The following TTC28 variants were observed in gnomAD, a reference collection of about 807,000 sequenced individuals.
TTC28 encodes tetratricopeptide repeat protein 28.
TTC28 carries 61 observed loss-of-function variants against 198.0 expected under a neutral mutation model. The observed-to-expected ratio is 0.31, with a 90% CI of 0.25 to 0.38. The LOEUF (loss-of-function observed/expected upper bound fraction) is 0.38, where lower values mean the gene tolerates loss of function less well. Ranked by LOEUF, TTC28 falls within the 10% of genes least tolerant of loss-of-function variation. TTC28 has a pLI of 1.00. For missense variants in TTC28, 2,678 were observed against 3,164.0 expected, an observed-to-expected ratio of 0.85 and a Z score of 3.69; for synonymous variants, 1,171 against 1,297.8, an observed-to-expected ratio of 0.90 and a Z score of 2.10.
intron 5 of TTC28, among the ~76,000 whole-genome samples, chr22:28,282,748 T>G (rs2044608718): frequency 6.6e-6 from 1 of 152,116 alleles, no homozygotes; most frequent in South Asian, 2.1e-4. Context: ...TTGCTTCTAC[T>G]CTACATATGA....
chr22:28,474,376 G>T (rs574471788), intron 2 of TTC28, among the ~76,000 whole-genome samples: 4 of 152,172 alleles, frequency 2.6e-5, no homozygotes, highest in Non-Finnish European at 5.9e-5. Flanking sequence ...TCTGGAACCT[G>T]AGATGAAGAC....
At chr22:28,239,464 T>C (rs1347499680) in intron 5 of TTC28, among the ~76,000 whole-genome samples, 1 of 152,164 alleles carries the variant, frequency 6.6e-6, no homozygotes, top group Admixed American at 6.5e-5. Flanking sequence ...GGTAGATAAC[T>C]AACCTAAAAT....
intron 5 of TTC28, among the ~76,000 whole-genome samples, chr22:28,215,698 A>G (rs1927337303): frequency 6.6e-6 from 1 of 152,124 alleles, no homozygotes; most frequent in Admixed American, 6.6e-5. Flanking sequence ...TCAGAAGACT[A>G]GGATCCTAGT....
intron 2 of TTC28, among the ~76,000 whole-genome samples, chr22:28,408,180 G>C (rs562062528): frequency 6.6e-6 from 1 of 151,888 alleles, no homozygotes; most frequent in Non-Finnish European, 1.5e-5. Context: ...AATAAATAAC[G>C]TTTCTAAAAC....
In TTC28 at chr22:27,993,134, G is replaced by A. The variant is rs1937476198; in HGVS notation, c.5476+153C>T. The A allele has an allele frequency of 5.9e-6, 4 of 679,338 alleles. No homozygotes were observed. In the East Asian group the frequency reaches 1.1e-4, roughly 19 times the overall value. 42.1% of individuals were successfully genotyped at this position (679,338 alleles called of 1,614,324 possible). On this transcript the variant is annotated intron_variant, in intron 18 of 22. Coordinates refer to ENST00000397906, the MANE Select transcript of TTC28 (RefSeq NM_001145418.2). ...ACTTGTTTCCTCCAGGTGTGGAGATGCTTGTATCTGGGACCCCCTGCCATT... is the reference window on the plus strand; with the variant it reads ...ACTTGTTTCCTCCAGGTGTGGAGATACTTGTATCTGGGACCCCCTGCCATT...
At chr22:28,094,846 A>G (rs886746986) in intron 11 of TTC28, among the ~76,000 whole-genome samples, 1 of 152,210 alleles carries the variant, frequency 6.6e-6, no homozygotes, top group Non-Finnish European at 1.5e-5. Flanking sequence ...TTCTGGCGAT[A>G]AATAGGATAT....
intron 5 of TTC28, among the ~76,000 whole-genome samples, chr22:28,220,378 G>C (rs1240635719): frequency 6.6e-6 from 1 of 152,170 alleles, no homozygotes; most frequent in Non-Finnish European, 1.5e-5. Context: ...GCTTCACTGG[G>C]TCCTCTGCAA....
At chr22:28,554,959 A>G (rs562509412) in intron 2 of TTC28, among the ~76,000 whole-genome samples, 2 of 152,308 alleles carry the variant, frequency 1.3e-5, no homozygotes, top group African/African-American at 2.4e-5. Flanking sequence ...TATATATCCA[A>G]CAAAGGACTA....
chr22:28,277,706 AAC>A lies in TTC28; in HGVS notation c.933+18490_933+18491del, dbSNP rs1349379598. Among the ~76,000 whole-genome samples, 3 of 152,218 alleles carry A rather than the reference AAC, an allele frequency of 2.0e-5. No homozygotes were observed. The East Asian group carries it at 5.8e-4, about 29-fold the overall frequency. On this transcript the variant is annotated intron_variant, in intron 5 of 22. Coordinates refer to ENST00000397906, the MANE Select transcript of TTC28 (RefSeq NM_001145418.2). Reference sequence around the variant, plus strand: ...TGTTATTTTAGAAAACCATAAGTATAACACTTATTATTAGCTGTGTAATGTTA... The same window carrying A: ...TGTTATTTTAGAAAACCATAAGTATAACTTATTATTAGCTGTGTAATGTTA...
At chr22:28,332,233 TTTAAC>T (rs1432935978) in intron 2 of TTC28, among the ~76,000 whole-genome samples, 1 of 152,068 alleles carries the variant, frequency 6.6e-6, no homozygotes, top group African/African-American at 2.4e-5. Context: ...AATAAGCTCT[TTTAAC>T]TTAGCTCCGA....
chr22:28,054,645 T>C (rs1940206295), intron 12 of TTC28, among the ~76,000 whole-genome samples: 1 of 152,112 alleles, frequency 6.6e-6, no homozygotes, highest in South Asian at 2.1e-4. Flanking sequence ...GCCCTCCCTG[T>C]GTGGGCTCCC....
intron 2 of TTC28, among the ~76,000 whole-genome samples, chr22:28,320,038 G>C (rs777289240): frequency 6.6e-6 from 1 of 152,110 alleles, no homozygotes; most frequent in Non-Finnish European, 1.5e-5. Context: ...TAATTCCCAT[G>C]TTTTTGCTTC....
chr22:27,985,309 C>T lies in TTC28; in HGVS notation c.5755G>A (p.Gly1919Arg), dbSNP rs1157418048. The T allele has an allele frequency of 3.9e-6, 6 of 1,551,366 alleles. No homozygotes were observed. In the Admixed American group the frequency reaches 5.9e-5, roughly 15 times the overall value. Residue 1919 changes from glycine (G) to arginine (R), a missense_variant, in exon 22 of 23, where the codon GGG becomes AGG. By Grantham distance (125) the Gly-to-Arg change is moderately radical. Around this residue, in one of 8 missense-constraint regions of TTC28, gnomAD observed 314 missense variants for 442.7 expected, o/e 0.71. Transcript: ENST00000397906. ...VGQEEVILKT[G>R]KQANRRTVHF... ...ACAGTCCGTCGATTAGCTTGCTTCC[C>T]GGTTTTCAGGATTACTTCCTCCTGA...
At chr22:28,637,004 G>GTTTTTTT (rs35849354) in intron 1 of TTC28, among the ~76,000 whole-genome samples, 2 of 97,324 alleles carry the variant, frequency 2.1e-5, no homozygotes, top group Non-Finnish European at 2.0e-5. Flanking sequence ...CAGGTCTTCA[G>GTTTTTTT]TTTTTTTTTT....
chr22:28,289,297 T>TA (rs2044743418), intron 5 of TTC28, among the ~76,000 whole-genome samples: 3 of 152,108 alleles, frequency 2.0e-5, no homozygotes, highest in Non-Finnish European at 4.4e-5. Context: ...ATCAGACTGA[T>TA]AAAAAATACT....
chr22:28,526,044 CA>C (rs2048998137), intron 2 of TTC28, among the ~76,000 whole-genome samples: 1 of 152,174 alleles, frequency 6.6e-6, no homozygotes, highest in Admixed American at 6.5e-5. Context: ...GTAATGCTAT[CA>C]ACAAAGTTGT....
At chr22:28,672,054 T>C (rs2051896310) in intron 1 of TTC28, among the ~76,000 whole-genome samples, 1 of 151,290 alleles carries the variant, frequency 6.6e-6, no homozygotes, top group East Asian at 1.9e-4. Context: ...TGAGACAGAG[T>C]CTCGCTCTGT....
intron 5 of TTC28, among the ~76,000 whole-genome samples, chr22:28,269,747 G>T (rs1233443702): frequency 6.6e-6 from 1 of 152,138 alleles, no homozygotes; most frequent in Non-Finnish European, 1.5e-5. Flanking sequence ...GGAGCCATGT[G>T]CTTTTCTTAA....
intron 17 of TTC28, among the ~76,000 whole-genome samples, chr22:27,995,522 T>G (rs1442864159): frequency 6.6e-6 from 1 of 152,124 alleles, no homozygotes; most frequent in Non-Finnish European, 1.5e-5. Context: ...CTGTGGGCCC[T>G]CCATTTGTGC....
Sources: gnomAD v4.1 joint callset for allele counts (sites outside exome capture counted in the v4.1 genomes callset) on GRCh38, gnomAD v4.1.1 for gene constraint, gnomAD v4.1.1 regional missense constraint, MANE v1.5 for transcripts, NCBI Gene and HGNC (gene_info 2026-07-23, HGNC 2026-07-21) for gene names.